The following POGLUT2 variants were observed in gnomAD, a reference collection of about 807,000 sequenced individuals.
POGLUT2 encodes the protein protein O-glucosyltransferase 2.
In POGLUT2, 47 loss-of-function variants were observed where a neutral mutation model predicts 57.6. The ratio of observed to expected loss-of-function variants is 0.82; its 90% CI spans 0.65 to 1.04. The LOEUF (loss-of-function observed/expected upper bound fraction) is 1.04, where lower values mean the gene tolerates loss of function less well. POGLUT2 is among the 50% of genes least tolerant of loss of function. The pLI, the probability that POGLUT2 is intolerant of heterozygous loss-of-function variation, is 0.00. For missense variants in POGLUT2, 565 were observed against 614.8 expected, an observed-to-expected ratio of 0.92 and a Z score of 0.86; for synonymous variants, 200 against 218.8, an observed-to-expected ratio of 0.91 and a Z score of 0.76.
rs769911928 is a variant in POGLUT2 at position 102,791,088 on chromosome 13, T to G, written c.896A>C (p.Glu299Ala). ...SVQANTGPPW[E>A]SKNSTAVWRG... ...CCAGACGGCAGTGGAATTTTTGCTT[T>G]CCCAGGGAGGACCCGTGTTAGCTTG... Residue 299 changes from glutamate (E) to alanine (A), a missense_variant, in exon 6 of 10, where the codon GAA (glutamate) becomes GCA (alanine). Transcript: ENST00000376004. 6.2e-7 allele frequency: 1 copy of G among 1,614,180 alleles called. No individual in the cohort carries two copies. The highest frequency in any genetic ancestry group is 8.5e-7 in the Non-Finnish European group (1 of 1,180,032).
At position 102,798,780 on chromosome 13, in the gene POGLUT2, C is replaced by A; in HGVS notation, c.-110G>T. ...CCCGCCGGCCGATCGCAGCAGCCAA[C>A]GCGACTGCAAAGGTTGCCGCCCGGC... On this transcript the variant is annotated 5_prime_UTR_variant, in exon 1 of 10. Coordinates refer to ENST00000376004, the MANE Select transcript of POGLUT2 (RefSeq NM_024089.3). The A allele has an allele frequency of 8.6e-7, 1 of 1,162,026 alleles. No homozygotes were observed. Among genetic ancestry groups the A allele is most frequent in the South Asian group, 1.6e-5 (1 of 61,744 alleles). 72.0% of individuals were successfully genotyped at this position (1,162,026 alleles called of 1,614,324 possible). A position where few individuals can be genotyped will look rare whatever the true frequency, so the allele number is the denominator to read the frequency against.
Position 102,793,403 on chromosome 13 carries a change from G to A in POGLUT2, c.610C>T (p.His204Tyr). The A allele has an allele frequency of 6.9e-6, 11 of 1,591,334 alleles. No individual in the cohort carries two copies. The highest frequency in any genetic ancestry group is 9.5e-6 in the Non-Finnish European group (11 of 1,159,826). Residue 204 changes from histidine (H) to tyrosine (Y), a missense_variant, in exon 4 of 10, where the codon CAT becomes TAT. By Grantham distance (83) the His-to-Tyr change is moderately conservative. Transcript: ENST00000376004. ...ATTCTAAAACCTACATGTTCACCATGAGTCTTGATATAAACCTAAAAGAGA... is the reference window on the plus strand; with the variant it reads ...ATTCTAAAACCTACATGTTCACCATAAGTCTTGATATAAACCTAAAAGAGA... The part of the protein sequence containing the change: ...LKDNKVYIKT[H>Y]GEHVGFRIFM...
chr13:102,795,986 C>T (rs746088067), intron 2 of POGLUT2, among the ~76,000 whole-genome samples: 12 of 151,988 alleles, frequency 7.9e-5, no homozygotes, highest in Admixed American at 2.6e-4. Flanking sequence ...TAAAACTGTA[C>T]TCTCATCCTA....
At position 102,798,783 on chromosome 13, in the gene POGLUT2, G is replaced by A. The variant is rs889966196; in HGVS notation, c.-113C>T. ...GCCGGCCGATCGCAGCAGCCAACGC[G>A]ACTGCAAAGGTTGCCGCCCGGCGTG... is the stretch of plus-strand genomic sequence containing the variant. On this transcript the variant is annotated 5_prime_UTR_variant, in exon 1 of 10. Coordinates refer to ENST00000376004, the MANE Select transcript of POGLUT2 (RefSeq NM_024089.3). The A allele has an allele frequency of 4.7e-5, 53 of 1,125,792 alleles. No individual in the cohort carries two copies. Among genetic ancestry groups the A allele is most frequent in the Non-Finnish European group, 6.2e-5 (51 of 820,114 alleles). The allele number at this position is 1,125,792 out of a possible 1,614,324, so 69.7% of individuals were successfully genotyped here.
At chr13:102,788,910 T>C in intron 7 of POGLUT2, 102 bp downstream of exon 7, 1 of 1,021,336 alleles carries the variant, frequency 9.8e-7, no homozygotes, top group Non-Finnish European at 1.5e-6. Context: ...CCAAAGTCTA[T>C]TACGTGAACA....
rs186137042 is a variant in POGLUT2, at chr13:102,791,105, G to A, written c.879C>T (p.Asn293=). 3.1e-6 allele frequency: 5 copies of A among 1,614,150 alleles called. No homozygotes were observed. The Admixed American group carries it at 8.3e-5, about 27-fold the overall frequency. The change falls in exon 6 of 10, where the codon AAC becomes AAT. Residue 293 remains asparagine, a synonymous_variant. Coordinates refer to ENST00000376004, the MANE Select transcript of POGLUT2 (RefSeq NM_024089.3). ...TTTTGCTTTCCCAGGGAGGACCCGTGTTAGCTTGCACGGACATCATATCCA... is the reference window on the plus strand; with the variant it reads ...TTTTGCTTTCCCAGGGAGGACCCGTATTAGCTTGCACGGACATCATATCCA... ...VSLDMMSVQA[N]TGPPWESKNS...
At chr13:102,788,033 A>AT (rs1302592589) in intron 7 of POGLUT2, 110 bp from the exon 8 acceptor site, 5 of 586,396 alleles carry the variant, frequency 8.5e-6, no homozygotes, top group Non-Finnish European at 1.5e-5. Context: ...GTGGGAAATA[A>AT]TATCTTTGGG....
Position 102,793,383 on chromosome 13 carries a change from A to G in POGLUT2, c.630T>C (p.Phe210=). 6.3e-7 allele frequency: 1 copy of G among 1,592,580 alleles called. No homozygotes were observed. Among genetic ancestry groups the G allele is most frequent in the Non-Finnish European group, 8.6e-7 (1 of 1,160,678 alleles). ...GTAGTATGGCATCCATGAAAATTCT[A>G]AAACCTACATGTTCACCATGAGTCT... ...YIKTHGEHVG[F]RIFMDAILLS... The change falls in exon 4 of 10, where the codon TTT becomes TTC. Residue 210 remains phenylalanine (F), a synonymous_variant. Transcript: ENST00000376004.
intron 4 of POGLUT2, 99 bp downstream of exon 4, chr13:102,793,242 G>A: frequency 1.5e-6 from 1 of 670,802 alleles, no homozygotes; most frequent in Middle Eastern, 2.9e-4. Flanking sequence ...GGCTCCAGAA[G>A]AGAATACCCT....
chr13:102,791,987 C>A (rs1360211705), intron 4 of POGLUT2: 2 of 1,289,012 alleles, frequency 1.6e-6, no homozygotes, highest in African/African-American at 3.0e-5. Context: ...GCCAGAAAAG[C>A]ACTGACCAGT....
In POGLUT2 at chr13:102,796,900, T is replaced by C. The variant is rs1878418810; in HGVS notation, c.292A>G (p.Ile98Val). The C allele has an allele frequency of 1.2e-6, 2 of 1,611,400 alleles. No homozygotes were observed. Among genetic ancestry groups the C allele is most frequent in the Non-Finnish European group, 1.7e-6 (2 of 1,177,610 alleles). ...QVLDRKDGSF[I>V]VRYRMYASYK... ...CTTGCATACATTCTGTATCTTACTA[T>C]GAAGGACCCATCTTTTCGGTCTAAA... is the stretch of plus-strand genomic sequence containing the variant. Residue 98 changes from isoleucine to valine, a missense_variant, in exon 2 of 10, where the codon ATA becomes GTA. By Grantham distance (29) the Ile-to-Val change is conservative. Transcript: ENST00000376004.
intron 1 of POGLUT2, 70 bp downstream of exon 1, chr13:102,798,419 G>A (rs1298173127): frequency 3.5e-6 from 5 of 1,425,248 alleles, no homozygotes; most frequent in African/African-American, 1.4e-5. Flanking sequence ...TTCTTGGAAA[G>A]AAAAATCTTA....
chr13:102,789,928 T>C (rs1248134415), intron 6 of POGLUT2, among the ~76,000 whole-genome samples: 1 of 152,194 alleles, frequency 6.6e-6, no homozygotes, highest in East Asian at 1.9e-4. Flanking sequence ...CAGACATATG[T>C]CTTAAAGAAA....
chr13:102,796,092 C>T (rs1023298402), intron 2 of POGLUT2, among the ~76,000 whole-genome samples: 5 of 151,730 alleles, frequency 3.3e-5, no homozygotes, highest in African/African-American at 1.2e-4. Flanking sequence ...GTCAAGAGAT[C>T]GAAACCATCC....
intron 6 of POGLUT2, among the ~76,000 whole-genome samples, chr13:102,790,616 T>C (rs1878127615): frequency 6.6e-6 from 1 of 152,176 alleles, no homozygotes. Flanking sequence ...AATAAAAACA[T>C]ATTTGGAGGT....
intron 6 of POGLUT2, among the ~76,000 whole-genome samples, 192 bp downstream of exon 6, chr13:102,790,709 T>C (rs1050822994): frequency 6.6e-6 from 1 of 152,152 alleles, no homozygotes; most frequent in Non-Finnish European, 1.5e-5. Context: ...GCATTTAATA[T>C]CAAGACTGGG....
intron 6 of POGLUT2, among the ~76,000 whole-genome samples, chr13:102,790,462 C>T (rs190230854): frequency 6.6e-6 from 1 of 152,306 alleles, no homozygotes; most frequent in East Asian, 1.9e-4. Context: ...AACCCTAATT[C>T]CCAGACAGAA....
In POGLUT2 at chr13:102,793,262, T is replaced by C. The variant is rs1346635977; in HGVS notation, c.672+79A>G. The stretch of plus-strand genomic sequence containing the variant: ...CAGAAGAGAATACCCTGATAGTGTA[T>C]AATTTGTATTTTGAAAAATTATCCT... On this transcript the variant is annotated intron_variant, in intron 4 of 9. Transcript: ENST00000376004. The C allele has an allele frequency of 2.1e-5, 16 of 772,516 alleles. 1 individual carries two copies. The highest frequency in any genetic ancestry group is 1.6e-4 in the South Asian group (10 of 64,284). The allele number at this position is 772,516 out of a possible 1,614,324, so 47.9% of individuals were successfully genotyped here.
intron 2 of POGLUT2, among the ~76,000 whole-genome samples, chr13:102,794,092 C>G (rs1046885976): frequency 2.0e-5 from 3 of 151,914 alleles, no homozygotes; most frequent in Non-Finnish European, 4.4e-5. Flanking sequence ...AAAAAATTAG[C>G]TGGGTGCGTT....
Sources: allele counts gnomAD v4.1 joint callset (sites outside exome capture counted in the v4.1 genomes callset), GRCh38; gene constraint gnomAD v4.1.1; transcripts MANE v1.5; gene names NCBI Gene and HGNC (gene_info 2026-07-23, HGNC 2026-07-21).